MYRFL: variants seen among roughly 807,000 people sequenced by gnomAD.
MYRFL encodes the protein myelin regulatory factor-like protein.
In MYRFL, 88 loss-of-function variants were observed where a neutral mutation model predicts 109.4. The ratio of observed to expected loss-of-function variants is 0.80; its 90% CI spans 0.68 to 0.96. The LOEUF is 0.96. MYRFL is among the 40% of genes least tolerant of loss of function. The probability of loss-of-function intolerance (pLI) is 0.00; values close to 1 mark genes in which losing one functional copy is unlikely to be tolerated. For synonymous variants in MYRFL, 324 were observed against 320.9 expected (o/e 1.01, Z -0.10); for missense variants, 957 against 954.9 (o/e 1.00, Z -0.03).
intron 19 of MYRFL, among the ~76,000 whole-genome samples, chr12:69,937,108 C>T (rs1242736028): frequency 6.6e-6 from 1 of 152,024 alleles, no homozygotes; most frequent in Admixed American, 6.6e-5. Context: ...GAATAACTTT[C>T]CTCTTCCTCC....
chr12:69,868,904 ACG>A (rs959898252), intron 2 of MYRFL, among the ~76,000 whole-genome samples: 5 of 151,906 alleles, frequency 3.3e-5, no homozygotes, highest in South Asian at 2.1e-4. Flanking sequence ...ACGTACGCAC[ACG>A]CGCACACACA....
chr12:69,887,079 A>T (rs998192799), intron 6 of MYRFL, 109 bp downstream of exon 6: 17 of 1,155,238 alleles, frequency 1.5e-5, no homozygotes, highest in Admixed American at 2.4e-5. Flanking sequence ...AGTGGGGCAA[A>T]TCAGTGAGAA....
intron 19 of MYRFL, among the ~76,000 whole-genome samples, chr12:69,943,027 A>G (rs1287488863): frequency 1.3e-5 from 2 of 150,676 alleles, no homozygotes; most frequent in Non-Finnish European, 3.0e-5. Context: ...TCAAGGAAAT[A>G]AAAGAGTATA....
At chr12:69,926,770 A>G in intron 14 of MYRFL, 36 bp downstream of exon 14, 3 of 1,382,568 alleles carry the variant, frequency 2.2e-6, no homozygotes, top group Non-Finnish European at 1.9e-6. Flanking sequence ...AAATTTGGGG[A>G]AAGGAGAGAG....
chr12:69,879,287 C>A lies in MYRFL; in HGVS notation c.298C>A (p.Pro100Thr), dbSNP rs1252038317. Residue 100 changes from proline (P) to threonine (T), a missense_variant, in exon 4 of 25, where the codon CCG (proline) becomes ACG (threonine). Pro to Thr is a conservative substitution (Grantham distance 38). Coordinates refer to ENST00000552032, the MANE Select transcript of MYRFL (RefSeq NM_182530.3). The part of the protein sequence containing the change: ...TAAPAMPPMH[P>T]LQSTSGMGDS... ...TGCTCCTGCGATGCCGCCCATGCACCCGCTGCAGAGCACCTCTGGAATGGG... is the reference window on the plus strand; with the variant it reads ...TGCTCCTGCGATGCCGCCCATGCACACGCTGCAGAGCACCTCTGGAATGGG... 12 of 702,758 alleles carry A rather than the reference C, an allele frequency of 1.7e-5. No homozygotes were observed. The highest frequency in any genetic ancestry group is 1.8e-5 in the Non-Finnish European group (7 of 384,852). The allele number at this position is 702,758 out of a possible 1,614,324, so 43.5% of individuals were successfully genotyped here. A position where few individuals can be genotyped will look rare whatever the true frequency, so the allele number is the denominator to read the frequency against.
At chr12:69,908,409 G>T (rs771262271) in intron 11 of MYRFL, among the ~76,000 whole-genome samples, 20 of 152,300 alleles carry the variant, frequency 1.3e-4, no homozygotes, top group Middle Eastern at 3.4e-3. Flanking sequence ...ATCCTTCTCT[G>T]AGAAACAATG....
Position 69,927,701 on chromosome 12 carries a change from G to T in MYRFL, c.1783G>T (p.Val595Phe). ...ASTISKSSRA[V>F]SASSPRRAVH... Reference sequence around the variant, plus strand: ...CTTTTAAAGCAAATCTAGCAGAGCCGTTAGTGCATCTTCTCCAAGAAGGGC... The same window carrying T: ...CTTTTAAAGCAAATCTAGCAGAGCCTTTAGTGCATCTTCTCCAAGAAGGGC... The change falls in exon 15 of 25, where the codon GTT becomes TTT. Residue 595 changes from valine (V) to phenylalanine (F), a missense_variant. Coordinates refer to ENST00000552032, the MANE Select transcript of MYRFL (RefSeq NM_182530.3). The T allele has an allele frequency of 6.5e-7, 1 of 1,533,374 alleles. No individual in the cohort carries two copies. Among genetic ancestry groups the T allele is most frequent in the South Asian group, 1.2e-5 (1 of 83,630 alleles). 95.0% of individuals were successfully genotyped at this position (1,533,374 alleles called of 1,614,324 possible).
chr12:69,859,041 A>G (rs1884475415), intron 2 of MYRFL, among the ~76,000 whole-genome samples: 1 of 151,902 alleles, frequency 6.6e-6, no homozygotes, highest in Non-Finnish European at 1.5e-5. Flanking sequence ...TACTATATAT[A>G]TATATTTTTT....
chr12:69,871,414 A>G (rs1885346577), intron 2 of MYRFL, among the ~76,000 whole-genome samples: 1 of 151,224 alleles, frequency 6.6e-6, no homozygotes, highest in African/African-American at 2.4e-5. Flanking sequence ...ATTTTTTTTT[A>G]GTAGAGACAG....
At chr12:69,864,816 C>G (rs1884919657) in intron 2 of MYRFL, among the ~76,000 whole-genome samples, 1 of 152,108 alleles carries the variant, frequency 6.6e-6, no homozygotes, top group Non-Finnish European at 1.5e-5. Flanking sequence ...TCACTACATC[C>G]CAGTAACTTG....
intron 9 of MYRFL, among the ~76,000 whole-genome samples, chr12:69,896,905 T>C (rs1416376375): frequency 1.3e-5 from 2 of 152,186 alleles, no homozygotes; most frequent in East Asian, 3.9e-4. Context: ...TCCTGCTCTT[T>C]TGGGGCATGT....
chr12:69,903,778 C>T lies in MYRFL; in HGVS notation c.1317C>T (p.Gly439=), dbSNP rs1175413491. Residue 439 remains glycine (G), a synonymous_variant, in exon 11 of 25, where the codon GGC becomes GGT. Coordinates refer to ENST00000552032, the MANE Select transcript of MYRFL (RefSeq NM_182530.3). ...CGGACGAAGCCCTGGTTGTCTGTGG[C>T]AACATGAAAGTGATGGGGACCATCA... is the stretch of plus-strand genomic sequence containing the variant. The part of the protein sequence containing the change: ...DAPDEALVVC[G]NMKVMGTIMH... 2.6e-6 allele frequency: 4 copies of T among 1,535,630 alleles called. No individual in the cohort carries two copies. In the East Asian group the frequency reaches 7.3e-5, roughly 28 times the overall value.
intron 14 of MYRFL, among the ~76,000 whole-genome samples, chr12:69,927,469 G>GAA: frequency 6.6e-6 from 1 of 151,532 alleles, no homozygotes; most frequent in South Asian, 2.1e-4. Context: ...GTTTAGTTTT[G>GAA]AGAAAAAGAG....
At chr12:69,862,657 A>G (rs997655602) in intron 2 of MYRFL, among the ~76,000 whole-genome samples, 10 of 151,660 alleles carry the variant, frequency 6.6e-5, no homozygotes, top group African/African-American at 1.7e-4. Context: ...GGGCTGAGAC[A>G]ATGGGGTTTT....
chr12:69,907,865 T>C (rs1304504680), intron 11 of MYRFL, among the ~76,000 whole-genome samples: 3 of 152,206 alleles, frequency 2.0e-5, no homozygotes, highest in East Asian at 1.9e-4. Context: ...TCAATAGATA[T>C]TTGTTGACTG....
At chr12:69,905,891 A>G (rs1172093928) in intron 11 of MYRFL, among the ~76,000 whole-genome samples, 1 of 152,182 alleles carries the variant, frequency 6.6e-6, no homozygotes. Context: ...CAGATGTGTG[A>G]ATTTCATCTT....
intron 15 of MYRFL, among the ~76,000 whole-genome samples, chr12:69,932,132 T>G (rs1417950652): frequency 1.3e-5 from 2 of 151,942 alleles, no homozygotes; most frequent in Admixed American, 1.3e-4. Flanking sequence ...TGAAGATCTT[T>G]TGATTTTCAA....
chr12:69,936,647 A>G lies in MYRFL; in HGVS notation c.2224+15A>G. 2.0e-6 allele frequency: 3 copies of G among 1,490,630 alleles called. No homozygotes were observed. Among genetic ancestry groups the G allele is most frequent in the African/African-American group, 1.4e-5 (1 of 71,224 alleles). 92.3% of individuals were successfully genotyped at this position (1,490,630 alleles called of 1,614,324 possible). ...GCGATGGTCAGGTAAATGATGTTCA[A>G]AGAGAAACAACTAGAGCTTTGAACT... On this transcript the variant is annotated intron_variant, in intron 19 of 24. Coordinates refer to ENST00000552032, the MANE Select transcript of MYRFL (RefSeq NM_182530.3).
Position 69,932,512 on chromosome 12 carries a change from G to A in MYRFL, c.1831-1G>A, listed in dbSNP as rs1483167602. 6.5e-7 allele frequency: 1 copy of A among 1,534,318 alleles called. No individual in the cohort carries two copies. The highest frequency in any genetic ancestry group is 1.4e-5 in the African/African-American group (1 of 72,980). ...CTGCTCATTACTGAACCTTTTTATA[G>A]GTTTATTTTTCAGGAAAAAGACAGG... On this transcript the variant is annotated splice_acceptor_variant, in intron 15 of 24. Transcript: ENST00000552032. LOFTEE classifies it high-confidence loss of function.
Sources: gnomAD v4.1 joint callset for allele counts (sites outside exome capture counted in the v4.1 genomes callset) on GRCh38, gnomAD v4.1.1 for gene constraint, MANE v1.5 for transcripts, NCBI Gene and HGNC (gene_info 2026-07-23, HGNC 2026-07-21) for gene names.